Variants in MDGA2 observed in about 807,000 individuals in gnomAD.
MDGA2 encodes the protein MAM domain containing glycosylphosphatidylinositol anchor 2, also known as MAM domain-containing glycosylphosphatidylinositol anchor protein 2.
In MDGA2, 40 loss-of-function variants were observed where a neutral mutation model predicts 117.8. That is an observed-to-expected ratio of 0.34 (90% CI 0.26 to 0.44). The LOEUF (loss-of-function observed/expected upper bound fraction) is 0.44, where lower values mean the gene tolerates loss of function less well. Ranked by LOEUF, MDGA2 falls within the 20% of genes least tolerant of loss-of-function variation. MDGA2 has a pLI of 1.00. For synonymous variants in MDGA2, 452 were observed against 439.0 expected (o/e 1.03, Z -0.37); for missense variants, 1,123 against 1,250.6 (o/e 0.90, Z 1.54).
At chr14:47,460,315 G>C (rs1246735007) in intron 1 of MDGA2, among the ~76,000 whole-genome samples, 1 of 152,086 alleles carries the variant, frequency 6.6e-6, no homozygotes, top group East Asian at 1.9e-4. Context: ...AGGAAAAAAA[G>C]AGTAAAGAAG....
intron 5 of MDGA2, among the ~76,000 whole-genome samples, chr14:47,101,078 TAGATA>T (rs1880282755): frequency 5.3e-5 from 4 of 74,876 alleles, no homozygotes; most frequent in Non-Finnish European, 1.1e-4. Flanking sequence ...GGAGGGACGA[TAGATA>T]GATAGATAGA....
At position 46,855,208 on chromosome 14, in the gene MDGA2, T is replaced by C; in HGVS notation, c.2753-54A>G. 1.3e-6 allele frequency: 2 copies of C among 1,524,354 alleles called. No individual in the cohort carries two copies. The highest frequency in any genetic ancestry group is 1.8e-6 in the Non-Finnish European group (2 of 1,122,862). 94.4% of individuals were successfully genotyped at this position (1,524,354 alleles called of 1,614,324 possible). On this transcript the variant is annotated intron_variant, in intron 14 of 16. Transcript: ENST00000399232. The surrounding 1 kb of genome is among the most constrained non-coding windows in gnomAD (Gnocchi z 4.1). Reference sequence around the variant, plus strand: ...CATATTCATTTTCACCTCAAATTTGTTTTTCCTTGACCAAACACTTGTAAA... The same window carrying C: ...CATATTCATTTTCACCTCAAATTTGCTTTTCCTTGACCAAACACTTGTAAA...
At chr14:47,186,816 T>A (rs1443717504) in intron 3 of MDGA2, among the ~76,000 whole-genome samples, 1 of 151,976 alleles carries the variant, frequency 6.6e-6, no homozygotes, top group Non-Finnish European at 1.5e-5. Context: ...TCTGAAGAAA[T>A]ATATCTGCTG....
intron 1 of MDGA2, among the ~76,000 whole-genome samples, chr14:47,493,988 G>T (rs1278761100): frequency 6.6e-6 from 1 of 152,118 alleles, no homozygotes; most frequent in Non-Finnish European, 1.5e-5. Flanking sequence ...AGGTCATAAG[G>T]TTGGTTCCCC....
chr14:47,258,030 A>G (rs957272496), intron 2 of MDGA2, among the ~76,000 whole-genome samples: 1 of 152,324 alleles, frequency 6.6e-6, no homozygotes, highest in East Asian at 1.9e-4. Context: ...CTGATACTCA[A>G]TATCTTTCAC....
At chr14:47,459,557 CTTCTTTCCTTCCTTCCTTCT>C (rs1893439249) in intron 1 of MDGA2, among the ~76,000 whole-genome samples, 1 of 147,534 alleles carries the variant, frequency 6.8e-6, no homozygotes, top group Non-Finnish European at 1.5e-5. Flanking sequence ...TCCTTCCTTC[CTTCTTTCCTTCCTTCCTTCT>C]TTCCTGTTTT....
At chr14:47,523,930 T>C (rs1447111655) in intron 1 of MDGA2, among the ~76,000 whole-genome samples, 1 of 152,160 alleles carries the variant, frequency 6.6e-6, no homozygotes. Context: ...TTTATTTTCC[T>C]CCAAAAACCA....
In MDGA2 at chr14:47,240,473, T is replaced by C. The variant is rs770677298; in HGVS notation, c.421-22278A>G. Among the ~76,000 whole-genome samples, 3 of 152,014 alleles carry C rather than the reference T, an allele frequency of 2.0e-5. No individual in the cohort carries two copies. The South Asian group carries it at 6.2e-4, about 32-fold the overall frequency. On this transcript the variant is annotated intron_variant, in intron 2 of 16. Transcript: ENST00000399232. ...ATAATAATAAAGAGTAACTAGTTTA[T>C]TAAAAAGTTCAAGAAGCACTGTATT...
chr14:47,038,965 T>C (rs1401278723), intron 7 of MDGA2, among the ~76,000 whole-genome samples: 1 of 148,972 alleles, frequency 6.7e-6, no homozygotes, highest in Non-Finnish European at 1.5e-5. Flanking sequence ...AAAAAAAAAA[T>C]AGATTTTAAA....
chr14:47,418,545 T>C (rs1892518753), intron 1 of MDGA2, among the ~76,000 whole-genome samples: 1 of 152,192 alleles, frequency 6.6e-6, no homozygotes, highest in Non-Finnish European at 1.5e-5. Context: ...GCCTATTTTA[T>C]GAAGGTCCTA....
intron 1 of MDGA2, among the ~76,000 whole-genome samples, chr14:47,652,936 T>C (rs1250997703): frequency 6.6e-6 from 1 of 152,298 alleles, no homozygotes; most frequent in East Asian, 1.9e-4. Flanking sequence ...AGATTCTTAC[T>C]ACACCATGGG....
intron 2 of MDGA2, among the ~76,000 whole-genome samples, chr14:47,226,943 T>G (rs1201314857): frequency 6.6e-6 from 1 of 152,158 alleles, no homozygotes; most frequent in African/African-American, 2.4e-5. Flanking sequence ...TTCCTTCATT[T>G]AGTATCTAGT....
At chr14:47,064,113 T>C (rs1008070522) in intron 6 of MDGA2, among the ~76,000 whole-genome samples, 2 of 152,046 alleles carry the variant, frequency 1.3e-5, no homozygotes, top group African/African-American at 2.4e-5. Context: ...TATAAACCCA[T>C]AATCAATTAA....
At chr14:47,629,344 C>T (rs1897212171) in intron 1 of MDGA2, among the ~76,000 whole-genome samples, 2 of 152,122 alleles carry the variant, frequency 1.3e-5, no homozygotes, top group Admixed American at 6.6e-5. Context: ...TATTATTGTT[C>T]TGGTTTTTAA....
At chr14:47,634,010 G>C (rs1958626) in intron 1 of MDGA2, among the ~76,000 whole-genome samples, 151,517 of 152,318 alleles carry the variant, frequency 0.99, 75,368 homozygotes, top group East Asian at 1. Flanking sequence ...CAAAGTGTAT[G>C]TAGCCAGTAA....
chr14:47,084,053 C>T (rs577474855), intron 6 of MDGA2, among the ~76,000 whole-genome samples: 1 of 152,196 alleles, frequency 6.6e-6, no homozygotes, highest in East Asian at 1.9e-4. Flanking sequence ...TATTATAGAA[C>T]TCAACTAATA....
chr14:47,150,645 TG>T (rs1232965158), intron 3 of MDGA2, among the ~76,000 whole-genome samples: 2 of 152,128 alleles, frequency 1.3e-5, no homozygotes, highest in African/African-American at 4.8e-5. Context: ...AGTGGTTGGC[TG>T]GGCGTGGTGG....
chr14:47,291,414 A>G (rs998133074), intron 2 of MDGA2, among the ~76,000 whole-genome samples: 1 of 152,184 alleles, frequency 6.6e-6, no homozygotes, highest in Non-Finnish European at 1.5e-5. Flanking sequence ...AAAAAATGCC[A>G]TGATGTAATC....
intron 8 of MDGA2, among the ~76,000 whole-genome samples, chr14:47,012,459 C>T: frequency 6.6e-6 from 1 of 152,132 alleles, no homozygotes; most frequent in Non-Finnish European, 1.5e-5. Context: ...ATAAATCAAT[C>T]ACCACTTTAG....
Sources: gnomAD v4.1 joint callset for allele counts (sites outside exome capture counted in the v4.1 genomes callset) on GRCh38, gnomAD v4.1.1 for gene constraint, Gnocchi (gnomAD v3.1) non-coding constraint, MANE v1.5 for transcripts, NCBI Gene and HGNC (gene_info 2026-07-23, HGNC 2026-07-21) for gene names.